Variants in GTF2IRD2 observed in about 807,000 individuals in gnomAD.
The protein encoded by GTF2IRD2 is GTF2I repeat domain containing 2, also known as general transcription factor II-I repeat domain-containing protein 2A.
In GTF2IRD2, 8 loss-of-function variants were observed where a neutral mutation model predicts 49.2. The ratio of observed to expected loss-of-function variants is 0.16; its 90% CI spans 0.10 to 0.29. The LOEUF is 0.29. Among genes scored for constraint, GTF2IRD2 ranks in the 10% least tolerant of loss-of-function variants. GTF2IRD2 has a pLI of 1.00. For synonymous variants in GTF2IRD2, 47 were observed against 289.7 expected (o/e 0.16, Z 8.51); for missense variants, 130 against 725.7 (o/e 0.18, Z 9.43).
At chr7:74,825,742 GTTT>G (rs1271337670) in intron 3 of GTF2IRD2, among the ~76,000 whole-genome samples, 2 of 150,794 alleles carry the variant, frequency 1.3e-5, no homozygotes, top group African/African-American at 4.9e-5. Flanking sequence ...ACACAGAAAG[GTTT>G]TTGTTTTTTT....
At chr7:74,831,504 T>TATACACAC (rs1799859498) in intron 3 of GTF2IRD2, among the ~76,000 whole-genome samples, 1 of 119,458 alleles carries the variant, frequency 8.4e-6, no homozygotes, top group African/African-American at 3.0e-5. Flanking sequence ...TCTCTGTACA[T>TATACACAC]ACACACACAC....
intron 4 of GTF2IRD2, among the ~76,000 whole-genome samples, chr7:74,824,137 G>T (rs1799165989): frequency 3.0e-5 from 4 of 131,492 alleles, no homozygotes; most frequent in Admixed American, 1.6e-4. Flanking sequence ...CTGCACTCCA[G>T]CCCGGGCAAC....
At chr7:74,842,471 T>C (rs1800928894) in intron 1 of GTF2IRD2, among the ~76,000 whole-genome samples, 3 of 143,456 alleles carry the variant, frequency 2.1e-5, no homozygotes, top group Admixed American at 1.4e-4. Flanking sequence ...CCTCAGGTGA[T>C]CCACCCTCCT....
At chr7:74,822,835 T>C in intron 4 of GTF2IRD2, 28 bp from the exon 5 acceptor site, 1 of 1,549,746 alleles carries the variant, frequency 6.5e-7, no homozygotes, top group East Asian at 2.3e-5. Flanking sequence ...CGTCTTTGGA[T>C]GGTGTGAACC....
Position 74,797,993 on chromosome 7 carries a change from C to T in GTF2IRD2, c.1519G>A (p.Glu507Lys), listed in dbSNP as rs139908522. Residue 507 changes from glutamate to lysine, a missense_variant, in exon 16 of 16, where the codon GAG becomes AAG. By Grantham distance (56) the Glu-to-Lys change is moderately conservative. Transcript: ENST00000451013. ...GGGTTTGCAAACACTTGTTTTTGCT[C>T]GGGACACTCGGTGTCTGATGAGCCT... ...LLGSSDTECPEQKQVFANPSP... is the reference protein window; with the variant it reads ...LLGSSDTECPKQKQVFANPSP... The T allele has an allele frequency of 1.3e-5, 11 of 859,768 alleles. No homozygotes were observed. The highest frequency in any genetic ancestry group is 1.9e-5 in the Non-Finnish European group (11 of 591,360). 53.3% of individuals were successfully genotyped at this position (859,768 alleles called of 1,614,324 possible).
At position 74,817,121 on chromosome 7, in the gene GTF2IRD2, G is replaced by A. The variant is rs1442939293; in HGVS notation, c.670+2433C>T. Among the ~76,000 whole-genome samples the A allele has an allele frequency of 2.2e-4, 8 of 35,796 alleles. 3 individuals are homozygous for A. The highest frequency in any genetic ancestry group is 3.6e-4 in the Non-Finnish European group (8 of 22,230). The allele number at this position is 35,796 out of a possible 152,430, so 23.5% of individuals were successfully genotyped here. Reference sequence around the variant, plus strand: ...GGCTGGAGTGCAATGGCGCAGTCTCGGCTCACAGCAAACTCTGCCTCCTGG... The same window carrying A: ...GGCTGGAGTGCAATGGCGCAGTCTCAGCTCACAGCAAACTCTGCCTCCTGG... On this transcript the variant is annotated intron_variant, in intron 8 of 15. Transcript: ENST00000451013.
Position 74,808,808 on chromosome 7 carries a change from G to T in GTF2IRD2, c.871+300C>A, listed in dbSNP as rs1418065650. 1.8e-4 allele frequency among the ~76,000 whole-genome samples: 13 copies of T among 72,274 alleles called. 2 individuals are homozygous for T. Among genetic ancestry groups the T allele is most frequent in the African/African-American group, 2.2e-4 (6 of 27,172 alleles). The allele number at this position is 72,274 out of a possible 152,430, so 47.4% of individuals were successfully genotyped here. A position where few individuals can be genotyped will look rare whatever the true frequency, so the allele number is the denominator to read the frequency against. The stretch of plus-strand genomic sequence containing the variant: ...GCTGCAGTACAGTGGTGAGATCTCA[G>T]CTCACTGCAACCTCCGCCTCTCAGG... On this transcript the variant is annotated intron_variant, in intron 11 of 15. Coordinates refer to ENST00000451013, the MANE Select transcript of GTF2IRD2 (RefSeq NM_173537.5).
intron 1 of GTF2IRD2, among the ~76,000 whole-genome samples, chr7:74,839,956 T>C (rs1554421541): frequency 6.8e-6 from 1 of 146,650 alleles, no homozygotes; most frequent in African/African-American, 2.6e-5. Context: ...GCCAAGATTG[T>C]GCCACTGCCC....
intron 1 of GTF2IRD2, among the ~76,000 whole-genome samples, chr7:74,845,445 C>A (rs1210930057): frequency 1.3e-5 from 2 of 151,268 alleles, no homozygotes; most frequent in Non-Finnish European, 1.5e-5. Context: ...CATGCGCCAC[C>A]ATGTTCAGCT....
At chr7:74,824,153 G>A (rs1458986777) in intron 4 of GTF2IRD2, among the ~76,000 whole-genome samples, 5 of 134,040 alleles carry the variant, frequency 3.7e-5, no homozygotes, top group African/African-American at 5.8e-5. Context: ...GCAACAGAGC[G>A]AGACTCTGCC....
rs1800794310 is a variant in GTF2IRD2 at position 74,841,166 on chromosome 7, A to T, written c.-5-4783T>A. 1.4e-5 allele frequency among the ~76,000 whole-genome samples: 2 copies of T among 140,182 alleles called. 1 individual carries two copies. Among genetic ancestry groups the T allele is most frequent in the African/African-American group, 5.8e-5 (2 of 34,478 alleles). 92.0% of individuals were successfully genotyped at this position (140,182 alleles called of 152,430 possible). On this transcript the variant is annotated intron_variant, in intron 1 of 15. Transcript: ENST00000451013. ...GCCCAGCCTTATTTTATATATATAT[A>T]TGTATTGGTTTTTTTTTTTGACATG...
chr7:74,826,922 G>A (rs1554419778), intron 3 of GTF2IRD2, among the ~76,000 whole-genome samples: 4 of 151,708 alleles, frequency 2.6e-5, no homozygotes, highest in Non-Finnish European at 5.9e-5. Context: ...ATGTTGGCCA[G>A]GCTGGTCTAG....
intron 4 of GTF2IRD2, among the ~76,000 whole-genome samples, chr7:74,824,097 C>T (rs1368046054): frequency 4.3e-5 from 5 of 117,360 alleles, no homozygotes; most frequent in African/African-American, 1.4e-4. Context: ...ACCCGAGAGG[C>T]GGAGCTTGCA....
At chr7:74,839,878 T>C (rs1222115298) in intron 1 of GTF2IRD2, among the ~76,000 whole-genome samples, 2 of 123,948 alleles carry the variant, frequency 1.6e-5, no homozygotes, top group Admixed American at 8.4e-5. Context: ...CAGACACCTG[T>C]AATCCCAGCT....
chr7:74,822,250 C>T (rs1260490368), intron 6 of GTF2IRD2, 177 bp downstream of exon 6: 16 of 767,044 alleles, frequency 2.1e-5, no homozygotes, highest in South Asian at 1.3e-4. Context: ...TGGGCTTCAC[C>T]GTGTTAGCCA....
intron 5 of GTF2IRD2, 54 bp from the exon 6 acceptor site, chr7:74,822,509 A>G: frequency 7.5e-6 from 5 of 669,210 alleles, no homozygotes; most frequent in Non-Finnish European, 1.3e-5. Flanking sequence ...AAAGCATGAC[A>G]CATCTGAACA....
chr7:74,831,241 A>G (rs1799816930), intron 3 of GTF2IRD2, among the ~76,000 whole-genome samples: 1 of 150,458 alleles, frequency 6.6e-6, no homozygotes, highest in Admixed American at 6.7e-5. Flanking sequence ...TAATCTATCT[A>G]TATACATATA....
At chr7:74,826,489 G>A (rs1554419699) in intron 3 of GTF2IRD2, among the ~76,000 whole-genome samples, 1 of 116,184 alleles carries the variant, frequency 8.6e-6, no homozygotes, top group African/African-American at 3.4e-5. Context: ...CGAACTCCTG[G>A]CCTCAAGTGA....
rs782547060 is a variant in GTF2IRD2 at position 74,821,919 on chromosome 7, TAA to T, written c.571+506_571+507del. 164 of 138,826 alleles carry T rather than the reference TAA, an allele frequency of 1.2e-3. 3 individuals are homozygous for T. Among genetic ancestry groups the T allele is most frequent in the South Asian group, 3.1e-3 (15 of 4,784 alleles). The allele number at this position is 138,826 out of a possible 1,614,324, so 8.6% of individuals were successfully genotyped here. A position where few individuals can be genotyped will look rare whatever the true frequency, so the allele number is the denominator to read the frequency against. On this transcript the variant is annotated intron_variant, in intron 6 of 15. Transcript: ENST00000451013. ...TTTAAAAAATATTCTTTATTTCTTCTAAAAAAAAAAAGGGGGGGATACATCTG... is the reference window on the plus strand; with the variant it reads ...TTTAAAAAATATTCTTTATTTCTTCTAAAAAAAAAGGGGGGGATACATCTG...
Sources: allele counts gnomAD v4.1 joint callset (sites outside exome capture counted in the v4.1 genomes callset), GRCh38; gene constraint gnomAD v4.1.1; transcripts MANE v1.5; gene names NCBI Gene and HGNC (gene_info 2026-07-23, HGNC 2026-07-21).